BCO2: variants seen among roughly 807,000 people sequenced by gnomAD.
BCO2 encodes carotenoid-cleaving dioxygenase, mitochondrial.
A neutral mutation model predicts 65.8 loss-of-function variants in BCO2; 56 were observed. The observed-to-expected ratio is 0.85, with a 90% CI of 0.69 to 1.06. BCO2 has a LOEUF of 1.06. Among genes scored for constraint, BCO2 ranks in the 50% least tolerant of loss-of-function variants. The probability of loss-of-function intolerance (pLI) is 0.00; values close to 1 mark genes in which losing one functional copy is unlikely to be tolerated. For synonymous variants in BCO2, 233 were observed against 242.3 expected, an observed-to-expected ratio of 0.96 and a Z score of 0.36; for missense variants, 675 against 698.5, an observed-to-expected ratio of 0.97 and a Z score of 0.38.
At chr11:112,184,008 T>C (rs2135352620) in intron 2 of BCO2, among the ~76,000 whole-genome samples, 1 of 152,342 alleles carries the variant, frequency 6.6e-6, no homozygotes, top group East Asian at 1.9e-4. Context: ...GTTTACACTA[T>C]TAGCCTAGTT....
chr11:112,194,833 T>G, intron 5 of BCO2, 78 bp downstream of exon 5: 1 of 1,048,292 alleles, frequency 9.5e-7, no homozygotes, highest in Non-Finnish European at 1.4e-6. Context: ...TACTACAGGT[T>G]TGTTTTTTAC....
chr11:112,216,848 G>C (rs1859693341), intron 11 of BCO2, among the ~76,000 whole-genome samples: 2 of 152,240 alleles, frequency 1.3e-5, no homozygotes, highest in South Asian at 4.1e-4. Flanking sequence ...ATGGCAAATA[G>C]GTTCACTTTG....
intron 2 of BCO2, among the ~76,000 whole-genome samples, chr11:112,182,666 A>G (rs528664192): frequency 2.5e-4 from 38 of 150,226 alleles, no homozygotes; most frequent in African/African-American, 8.5e-4. Context: ...ACACTTGGAC[A>G]CAGGATGGGG....
At chr11:112,194,847 C>T (rs1401865745) in intron 5 of BCO2, 92 bp downstream of exon 5, 1 of 825,834 alleles carries the variant, frequency 1.2e-6, no homozygotes, top group African/African-American at 1.8e-5. Flanking sequence ...TTTTTACTGG[C>T]ACAAGTAGAG....
intron 8 of BCO2, 83 bp downstream of exon 8, chr11:112,202,273 C>T: frequency 1.8e-6 from 2 of 1,111,118 alleles, no homozygotes; most frequent in Non-Finnish European, 2.5e-6. Context: ...ACATGTTTCT[C>T]TCTCTCTCTC....
intron 8 of BCO2, among the ~76,000 whole-genome samples, chr11:112,203,933 C>T (rs577421829): frequency 6.6e-6 from 1 of 152,056 alleles, no homozygotes; most frequent in Non-Finnish European, 1.5e-5. Context: ...CGGCTTACTG[C>T]AACCTCTGCT....
At chr11:112,179,089 A>G (rs1592831425) in intron 1 of BCO2, among the ~76,000 whole-genome samples, 189 bp from the exon 2 acceptor site, 1 of 152,140 alleles carries the variant, frequency 6.6e-6, no homozygotes, top group South Asian at 2.1e-4. Flanking sequence ...GTGGGTTGAA[A>G]ATGGAGAACC....
chr11:112,188,814 T>C (rs1443693669), intron 2 of BCO2, among the ~76,000 whole-genome samples: 2 of 152,078 alleles, frequency 1.3e-5, no homozygotes, highest in Admixed American at 1.3e-4. Context: ...ATCCATTATT[T>C]ATGTGCCTGT....
intron 5 of BCO2, among the ~76,000 whole-genome samples, chr11:112,198,913 T>C (rs920354752): frequency 6.6e-6 from 1 of 151,624 alleles, no homozygotes; most frequent in Admixed American, 6.6e-5. Flanking sequence ...CTATTCACCA[T>C]ACATATGAGA....
rs550606912 is a variant in BCO2, at chr11:112,218,623, G to A, written c.*749G>A. 9 of 216,036 alleles carry A rather than the reference G, an allele frequency of 4.2e-5. No homozygotes were observed. Among genetic ancestry groups the A allele is most frequent in the South Asian group, 3.2e-4 (4 of 12,500 alleles). The allele number at this position is 216,036 out of a possible 1,614,324, so 13.4% of individuals were successfully genotyped here. The stretch of plus-strand genomic sequence containing the variant: ...CTGTAAAACTGAGAGGGAAACCCCC[G>A]AAAAGTGGTTGGCTGCAGTTGTGCA... On this transcript the variant is annotated 3_prime_UTR_variant, in exon 12 of 12. Transcript: ENST00000357685.
chr11:112,192,925 G>GTTTTTTT (rs71060229), intron 2 of BCO2, among the ~76,000 whole-genome samples: 8,043 of 36,500 alleles, frequency 0.22, 2,125 homozygotes, highest in Non-Finnish European at 0.29. Flanking sequence ...AAAATGTGAG[G>GTTTTTTT]TTTTTTTTTT....
At chr11:112,206,679 G>A (rs1255191307) in intron 8 of BCO2, among the ~76,000 whole-genome samples, 3 of 152,058 alleles carry the variant, frequency 2.0e-5, no homozygotes, top group African/African-American at 2.4e-5. Context: ...CCCATAGGTC[G>A]CCTTTTCGTT....
chr11:112,187,337 A>G (rs1372389793), intron 2 of BCO2, among the ~76,000 whole-genome samples: 1 of 151,900 alleles, frequency 6.6e-6, no homozygotes, highest in African/African-American at 2.4e-5. Flanking sequence ...AGATTAGCCC[A>G]TCCTTGGTTT....
At chr11:112,217,080 A>T (rs1859700898) in intron 11 of BCO2, among the ~76,000 whole-genome samples, 1 of 152,244 alleles carries the variant, frequency 6.6e-6, no homozygotes, top group Admixed American at 6.5e-5. Flanking sequence ...GTAACACAAA[A>T]TGGAGGCATT....
Position 112,213,869 on chromosome 11 carries a change from A to G in BCO2, c.1332+8A>G. On this transcript the variant is annotated splice_region_variant and intron_variant, in intron 9 of 11. Transcript: ENST00000357685. ...AAACAGGCTGATGGAACGGTATGCTATGAACAGACATTAGACTAAGACTTT... is the reference window on the plus strand; with the variant it reads ...AAACAGGCTGATGGAACGGTATGCTGTGAACAGACATTAGACTAAGACTTT... 6.5e-7 allele frequency: 1 copy of G among 1,545,634 alleles called. No homozygotes were observed.
chr11:112,188,394 T>G (rs1194622207), intron 2 of BCO2, among the ~76,000 whole-genome samples: 1 of 152,200 alleles, frequency 6.6e-6, no homozygotes. Flanking sequence ...CCTCGTTGGC[T>G]TCTTCAATCT....
intron 8 of BCO2, 85 bp downstream of exon 8, chr11:112,202,275 C>A: frequency 8.6e-7 from 1 of 1,168,844 alleles, no homozygotes; most frequent in Non-Finnish European, 1.2e-6. Context: ...ATGTTTCTCT[C>A]TCTCTCTCTC....
At chr11:112,207,932 A>G (rs1462296685) in intron 8 of BCO2, among the ~76,000 whole-genome samples, 1 of 140,862 alleles carries the variant, frequency 7.1e-6, no homozygotes. Context: ...TTTTGCTTTC[A>G]TTTTATGTTA....
At chr11:112,200,142 T>G (rs1867689559) in intron 6 of BCO2, among the ~76,000 whole-genome samples, 1 of 152,212 alleles carries the variant, frequency 6.6e-6, no homozygotes, top group African/African-American at 2.4e-5. Flanking sequence ...TTGTCTTGAC[T>G]ATATTTTTTG....
Sources: gnomAD v4.1 joint callset for allele counts (sites outside exome capture counted in the v4.1 genomes callset) on GRCh38, gnomAD v4.1.1 for gene constraint, MANE v1.5 for transcripts, NCBI Gene and HGNC (gene_info 2026-07-23, HGNC 2026-07-21) for gene names.